Variants in LCA5 observed in about 807,000 individuals in gnomAD.
The protein encoded by LCA5 is lebercilin LCA5.
A neutral mutation model predicts 53.0 loss-of-function variants in LCA5; 37 were observed. The observed-to-expected ratio is 0.70, with a 90% confidence interval of 0.54 to 0.92. The LOEUF is 0.92. LCA5 is among the 40% of genes least tolerant of loss of function. The probability of loss-of-function intolerance (pLI) is 0.00; values close to 1 mark genes in which losing one functional copy is unlikely to be tolerated. For missense variants in LCA5, 806 were observed against 790.5 expected (o/e 1.02, Z -0.23); for synonymous variants, 303 against 282.9 (o/e 1.07, Z -0.71).
Position 79,489,303 on chromosome 6 carries a change from T to A in LCA5, c.1099-87A>T, listed in dbSNP as rs138440067. On this transcript the variant is annotated intron_variant, in intron 6 of 7. Coordinates refer to ENST00000369846, the MANE Select transcript of LCA5 (RefSeq NM_001122769.3). ...CACAGATTTATCCATTAAACATGAT[T>A]ACCAACTAAGTTAAAAATTAATACA... The A allele has an allele frequency of 2.3e-6, 3 of 1,313,342 alleles. No homozygotes were observed. In the East Asian group the frequency reaches 6.9e-5, roughly 30 times the overall value. 81.4% of individuals were successfully genotyped at this position (1,313,342 alleles called of 1,614,324 possible). A position where few individuals can be genotyped will look rare whatever the true frequency, so the allele number is the denominator to read the frequency against.
At position 79,509,077 on chromosome 6, in the gene LCA5, C is replaced by T. The variant is rs942102406; in HGVS notation, c.720+4135G>A. 4.6e-5 allele frequency among the ~76,000 whole-genome samples: 7 copies of T among 152,204 alleles called. 1 individual carries two copies. In the South Asian group the frequency reaches 6.2e-4, roughly 14 times the overall value. ...AGAACAATTACCCTCAGGTGGGCTG[C>T]GCTGGCTACACTCCCCCCATCCCCT... On this transcript the variant is annotated intron_variant, in intron 3 of 7. Coordinates refer to ENST00000369846, the MANE Select transcript of LCA5 (RefSeq NM_001122769.3).
chr6:79,531,105 AAAACTTG>A (rs1203638252), intron 1 of LCA5, among the ~76,000 whole-genome samples: 3 of 152,172 alleles, frequency 2.0e-5, no homozygotes, highest in African/African-American at 7.2e-5. Flanking sequence ...CTCCGTTAGT[AAAACTTG>A]AAACAGACTG....
At chr6:79,501,948 T>C (rs1287459338) in intron 3 of LCA5, among the ~76,000 whole-genome samples, 1 of 151,922 alleles carries the variant, frequency 6.6e-6, no homozygotes, top group East Asian at 1.9e-4. Flanking sequence ...ATAGTAGATA[T>C]AGCATATTTT....
intron 6 of LCA5, among the ~76,000 whole-genome samples, chr6:79,490,476 A>G (rs1769806077): frequency 6.6e-6 from 1 of 152,076 alleles, no homozygotes; most frequent in African/African-American, 2.4e-5. Context: ...TCTTTTCACT[A>G]TACCAGGTTT....
Position 79,486,955 on chromosome 6 carries a change from TTAAAA to T in LCA5, c.*44_*48del. ...CTAAATGTTTATAATAAATACTGTA[TTAAAA>T]TATTTCAATATTTACAATTAGAAAA... On this transcript the variant is annotated 3_prime_UTR_variant, in exon 8 of 8. Transcript: ENST00000369846. The T allele has an allele frequency of 1.4e-6, 2 of 1,425,358 alleles. No individual in the cohort carries two copies. The highest frequency in any genetic ancestry group is 2.3e-4 in the Middle Eastern group (1 of 4,282). 88.3% of individuals were successfully genotyped at this position (1,425,358 alleles called of 1,614,324 possible).
chr6:79,519,258 C>T (rs548856848), intron 1 of LCA5, among the ~76,000 whole-genome samples, 173 bp from the exon 2 acceptor site: 3 of 152,268 alleles, frequency 2.0e-5, no homozygotes, highest in Non-Finnish European at 4.4e-5. Context: ...GGAGAAAATA[C>T]AGACTGTCAT....
At chr6:79,526,177 A>ACCTTT (rs1441878701) in intron 1 of LCA5, among the ~76,000 whole-genome samples, 1 of 152,096 alleles carries the variant, frequency 6.6e-6, no homozygotes, top group Non-Finnish European at 1.5e-5. Flanking sequence ...ATCATAAATC[A>ACCTTT]CCTTTCCGGT....
At chr6:79,489,529 C>T (rs1334084864) in intron 6 of LCA5, among the ~76,000 whole-genome samples, 1 of 152,088 alleles carries the variant, frequency 6.6e-6, no homozygotes. Flanking sequence ...TGTGCATTTT[C>T]ACCAAAAATC....
chr6:79,508,881 A>G (rs2051102491), intron 3 of LCA5, among the ~76,000 whole-genome samples: 1 of 152,190 alleles, frequency 6.6e-6, no homozygotes, highest in African/African-American at 2.4e-5. Context: ...GTAAAATTTG[A>G]AAAATAAAAT....
chr6:79,499,637 C>T (rs115336100), intron 3 of LCA5, among the ~76,000 whole-genome samples: 1,864 of 150,810 alleles, frequency 0.012, 22 homozygotes, highest in African/African-American at 0.029. Context: ...TAGTTATCTT[C>T]GGCTGGCAGG....
intron 3 of LCA5, among the ~76,000 whole-genome samples, chr6:79,512,676 A>G (rs527496831): frequency 6.6e-6 from 1 of 151,690 alleles, no homozygotes; most frequent in Non-Finnish European, 1.5e-5. Context: ...ATGGGATAGG[A>G]CTCTTTTCCT....
At chr6:79,516,534 T>C (rs1386659182) in intron 2 of LCA5, among the ~76,000 whole-genome samples, 1 of 151,982 alleles carries the variant, frequency 6.6e-6, no homozygotes, top group Non-Finnish European at 1.5e-5. Flanking sequence ...TAACCAACTT[T>C]CTGACATCCT....
chr6:79,489,253 A>G (rs1769769151), intron 6 of LCA5, 37 bp from the exon 7 acceptor site: 3 of 1,601,986 alleles, frequency 1.9e-6, no homozygotes, highest in Non-Finnish European at 2.6e-6. Flanking sequence ...TTCACAAATT[A>G]TAGAAAAGGG....
intron 1 of LCA5, among the ~76,000 whole-genome samples, chr6:79,521,926 G>A (rs1353442201): frequency 6.6e-6 from 1 of 152,094 alleles, no homozygotes; most frequent in Admixed American, 6.5e-5. Context: ...CAACTTCAAG[G>A]AACTACTTGC....
At chr6:79,509,450 T>A (rs1181985580) in intron 3 of LCA5, among the ~76,000 whole-genome samples, 4 of 125,694 alleles carry the variant, frequency 3.2e-5, no homozygotes, top group African/African-American at 1.3e-4. Context: ...TGAGACTCCG[T>A]CTCAAAAAAA....
intron 3 of LCA5, among the ~76,000 whole-genome samples, chr6:79,506,188 TA>T (rs1282181025): frequency 6.6e-6 from 1 of 152,186 alleles, no homozygotes; most frequent in Non-Finnish European, 1.5e-5. Flanking sequence ...TAGAAATTTT[TA>T]AAAAAGTCTT....
At chr6:79,529,102 A>T (rs1331511338) in intron 1 of LCA5, among the ~76,000 whole-genome samples, 1 of 152,214 alleles carries the variant, frequency 6.6e-6, no homozygotes, top group African/African-American at 2.4e-5. Flanking sequence ...ATGTTGTATT[A>T]TCCCTCGTGT....
chr6:79,528,294 G>A (rs76165264), intron 1 of LCA5, among the ~76,000 whole-genome samples: 1 of 152,044 alleles, frequency 6.6e-6, no homozygotes, highest in East Asian at 1.9e-4. Context: ...CTCTCTAGGT[G>A]GGGGGCAGAG....
chr6:79,519,930 T>C (rs1329205808), intron 1 of LCA5, among the ~76,000 whole-genome samples: 1 of 151,966 alleles, frequency 6.6e-6, no homozygotes, highest in Non-Finnish European at 1.5e-5. Flanking sequence ...GCAAAATATA[T>C]AAGACTCCAA....
Sources: gnomAD v4.1 joint callset for allele counts (sites outside exome capture counted in the v4.1 genomes callset) on GRCh38, gnomAD v4.1.1 for gene constraint, MANE v1.5 for transcripts, NCBI Gene and HGNC (gene_info 2026-07-23, HGNC 2026-07-21) for gene names.